Variants in GBF1 observed in about 807,000 individuals in gnomAD.
The protein encoded by GBF1 is Golgi-specific brefeldin A-resistance guanine nucleotide exchange factor 1.
Under a neutral mutation model 210.5 loss-of-function variants are expected in GBF1, and 114 were observed. The observed-to-expected ratio is 0.54, with a 90% CI of 0.47 to 0.63. The LOEUF is 0.63. GBF1 is among the 30% of genes least tolerant of loss of function. The pLI is 0.00. For synonymous variants in GBF1, 850 were observed against 889.2 expected, an observed-to-expected ratio of 0.96 and a Z score of 0.78; for missense variants, 1,851 against 2,357.7, an observed-to-expected ratio of 0.79 and a Z score of 4.45.
In GBF1 at chr10:102,365,489, C is replaced by T. The variant is rs182629677; in HGVS notation, c.2199C>T (p.Asp733=). ...QEKGLLTIPM[D]NTEVAQWLRE... ...AAGGCCTCCTCACCATCCCAATGGA[C>T]AACACAGAGGTTGCTCAGTGGCTCC... Residue 733 remains aspartate (D), a synonymous_variant, in exon 18 of 40, where the codon GAC becomes GAT. Transcript: ENST00000369983. 2.7e-5 allele frequency: 43 copies of T among 1,613,998 alleles called. No individual in the cohort carries two copies. In the East Asian group the frequency reaches 9.4e-4, roughly 35 times the overall value.
intron 39 of GBF1, 126 bp from the exon 40 acceptor site, chr10:102,381,929 GT>G: frequency 1.5e-6 from 1 of 675,498 alleles, no homozygotes; most frequent in East Asian, 2.9e-5. Context: ...TTTTAGGCTG[GT>G]GGGGGGCCGT....
chr10:102,313,424 G>C (rs1167399686), intron 3 of GBF1, among the ~76,000 whole-genome samples: 1 of 152,234 alleles, frequency 6.6e-6, no homozygotes, highest in Non-Finnish European at 1.5e-5. Flanking sequence ...AGGAGGAGAA[G>C]ATGGAGAGGG....
In GBF1 at chr10:102,246,321, G is replaced by T. The variant is rs150732639; in HGVS notation, c.-11+540G>T. Among the ~76,000 whole-genome samples, 646 of 152,272 alleles carry T rather than the reference G, an allele frequency of 4.2e-3. 4 individuals carry two copies. The highest frequency in any genetic ancestry group is 0.015 in the African/African-American group (622 of 41,536). On this transcript the variant is annotated intron_variant, in intron 1 of 39. Transcript: ENST00000369983. ...GTGGAAGGCTTGAGGTTATAGCAGC[G>T]CAGGGAACTGGGCTATGAGAAGGCT...
chr10:102,318,604 AT>A (rs1303252993), intron 3 of GBF1, among the ~76,000 whole-genome samples: 2 of 152,024 alleles, frequency 1.3e-5, no homozygotes, highest in African/African-American at 4.8e-5. Flanking sequence ...TCCTTCTATT[AT>A]TTTTATTTCT....
intron 3 of GBF1, among the ~76,000 whole-genome samples, chr10:102,265,570 T>G (rs888872797): frequency 6.6e-6 from 1 of 151,990 alleles, no homozygotes; most frequent in Non-Finnish European, 1.5e-5. Flanking sequence ...CAACTGTAGT[T>G]CCAGCTACTT....
intron 3 of GBF1, among the ~76,000 whole-genome samples, chr10:102,324,385 C>A (rs1009269161): frequency 2.0e-5 from 3 of 151,958 alleles, no homozygotes; most frequent in Non-Finnish European, 4.4e-5. Context: ...CCAGGGGCTA[C>A]CCAAGAAATA....
intron 33 of GBF1, among the ~76,000 whole-genome samples, chr10:102,378,156 T>A (rs1335586430): frequency 2.0e-5 from 3 of 148,438 alleles, no homozygotes; most frequent in African/African-American, 7.5e-5. Context: ...AGGCAGAGCT[T>A]GCAGTGAGCC....
chr10:102,272,200 G>A (rs937179386), intron 3 of GBF1, among the ~76,000 whole-genome samples: 5 of 151,956 alleles, frequency 3.3e-5, no homozygotes, highest in African/African-American at 4.8e-5. Context: ...TCACTCCCAG[G>A]TTCAAGTGAT....
chr10:102,257,160 A>C (rs533965321), intron 1 of GBF1, among the ~76,000 whole-genome samples: 2 of 152,130 alleles, frequency 1.3e-5, no homozygotes, highest in Non-Finnish European at 2.9e-5. Flanking sequence ...ATTAGCACAG[A>C]CCTTTTATTT....
chr10:102,267,221 T>C (rs1473738619), intron 3 of GBF1, among the ~76,000 whole-genome samples: 1 of 152,196 alleles, frequency 6.6e-6, no homozygotes, highest in Non-Finnish European at 1.5e-5. Flanking sequence ...GTATATTATA[T>C]GTGCCAGGCA....
At chr10:102,338,873 A>C (rs915532698) in intron 3 of GBF1, among the ~76,000 whole-genome samples, 1 of 152,102 alleles carries the variant, frequency 6.6e-6, no homozygotes, top group African/African-American at 2.4e-5. Context: ...GAGACATACC[A>C]AGTTCATGAA....
chr10:102,329,254 G>A (rs1018257965), intron 3 of GBF1, among the ~76,000 whole-genome samples: 1 of 152,118 alleles, frequency 6.6e-6, no homozygotes, highest in Non-Finnish European at 1.5e-5. Context: ...TATGATTGAG[G>A]CCAGTCCCTG....
rs769158248 is a variant in GBF1 at position 102,381,249 on chromosome 10, G to A, written c.5296G>A (p.Ala1766Thr). The change falls in exon 39 of 40, where the codon GCC (alanine) becomes ACC (threonine). Residue 1766 changes from alanine (A) to threonine (T), a missense_variant. Ala to Thr is a moderately conservative substitution (Grantham distance 58, BLOSUM62 0). Transcript: ENST00000369983. ...PPPEIPSELG[A>T]CDFEKPESPR... ...CCCAGAGATTCCATCTGAGCTGGGG[G>A]CCTGTGGTGAGTCTCTCTAGCCTAG... 37 of 1,613,620 alleles carry A rather than the reference G, an allele frequency of 2.3e-5. No individual in the cohort carries two copies. The highest frequency in any genetic ancestry group is 3.0e-5 in the Non-Finnish European group (35 of 1,179,964).
At chr10:102,291,572 A>G (rs1474922250) in intron 3 of GBF1, among the ~76,000 whole-genome samples, 1 of 152,224 alleles carries the variant, frequency 6.6e-6, no homozygotes, top group African/African-American at 2.4e-5. Context: ...AGAAAGGTGG[A>G]AAGTGCTGAT....
chr10:102,236,108 C>T, the GBF1 span, among the ~76,000 whole-genome samples: 1 of 152,136 alleles, frequency 6.6e-6, no homozygotes, highest in Non-Finnish European at 1.5e-5. Context: ...GACCTCTAGC[C>T]GACTCACGTC....
At chr10:102,288,726 AAAAAAAAAAC>A (rs1467632360) in intron 3 of GBF1, among the ~76,000 whole-genome samples, 6 of 146,750 alleles carry the variant, frequency 4.1e-5, no homozygotes, top group East Asian at 4.1e-4. Context: ...TCAAAGGAAA[AAAAAAAAAAC>A]AAAAAAAAAA....
chr10:102,260,041 G>A lies in GBF1; in HGVS notation c.97-9G>A, dbSNP rs1314373190. The A allele has an allele frequency of 1.9e-6, 3 of 1,547,634 alleles. No individual in the cohort carries two copies. Among genetic ancestry groups the A allele is most frequent in the Admixed American group, 3.4e-5 (2 of 59,490 alleles). The stretch of plus-strand genomic sequence containing the variant: ...AATAATGACTTACTTTAATCTATGT[G>A]TTCTACAGGATGAAGAACGGGATCC... On this transcript the variant is annotated splice_polypyrimidine_tract_variant and intron_variant, in intron 2 of 39. Transcript: ENST00000369983.
At position 102,358,581 on chromosome 10, in the gene GBF1, C is replaced by T. The variant is rs2059422482; in HGVS notation, c.863C>T (p.Pro288Leu). The T allele has an allele frequency of 1.9e-6, 3 of 1,613,834 alleles. No homozygotes were observed. The highest frequency in any genetic ancestry group is 4.5e-5 in the East Asian group (2 of 44,886). ...GAAGCTGCCTCAGCAGTGGTCAGTCCCTCTACAGACAGTGGCCTGGAATTC... is the reference window on the plus strand; with the variant it reads ...GAAGCTGCCTCAGCAGTGGTCAGTCTCTCTACAGACAGTGGCCTGGAATTC... Reference protein sequence around the residue: ...SSEAASAVVSPSTDSGLEFSS... With the variant: ...SSEAASAVVSLSTDSGLEFSS... Residue 288 changes from proline to leucine, a missense_variant, in exon 10 of 40, where the codon CCC (proline) becomes CTC (leucine). Pro to Leu is a moderately conservative substitution (Grantham distance 98). This residue lies in a region of GBF1 where 804 missense variants were observed against 958.6 expected (regional missense o/e 0.84). Coordinates refer to ENST00000369983, the MANE Select transcript of GBF1 (RefSeq NM_001377137.1).
intron 3 of GBF1, among the ~76,000 whole-genome samples, chr10:102,268,535 T>C (rs1425209165): frequency 6.6e-6 from 1 of 152,152 alleles, no homozygotes; most frequent in Non-Finnish European, 1.5e-5. Context: ...TCTGAGTATA[T>C]GCCCAACTTA....
Sources: gnomAD v4.1 joint callset for allele counts (sites outside exome capture counted in the v4.1 genomes callset) on GRCh38, gnomAD v4.1.1 for gene constraint, gnomAD v4.1.1 regional missense constraint, MANE v1.5 for transcripts, NCBI Gene and HGNC (gene_info 2026-07-23, HGNC 2026-07-21) for gene names.